The following MYL6B variants were observed in gnomAD, a reference collection of about 807,000 sequenced individuals.
The protein encoded by MYL6B is myosin alkali light chain 1 slow a.
In MYL6B, 19 loss-of-function variants were observed where a neutral mutation model predicts 24.5. The ratio of observed to expected loss-of-function variants is 0.78; its 90% CI spans 0.54 to 1.14. The LOEUF is 1.14. Ranked by LOEUF, MYL6B falls within the 50% of genes most tolerant of loss-of-function variation. The pLI is 0.00. For missense variants in MYL6B, 230 were observed against 263.8 expected, an observed-to-expected ratio of 0.87 and a Z score of 0.89; for synonymous variants, 90 against 100.7, an observed-to-expected ratio of 0.89 and a Z score of 0.64.
chr12:56,155,738 G>A (rs1871283374), intron 5 of MYL6B, 146 bp downstream of exon 5: 1 of 1,540,260 alleles, frequency 6.5e-7, no homozygotes. Context: ...CAGAGCTATG[G>A]GGGTAGAATC....
At chr12:56,155,487 G>C (rs1447202108) in exon 5 of MYL6B, 1 of 1,614,058 alleles carries the variant, frequency 6.2e-7, no homozygotes, top group South Asian at 1.1e-5. Flanking sequence ...CAAGAACCGA[G>C]GCCAAGGCAC....
rs1486496706 is a variant in MYL6B at position 56,157,560 on chromosome 12, A to AAAC, written c.598+16_598+17insACA. 6.2e-7 allele frequency: 1 copy of AAAC among 1,613,458 alleles called. No individual in the cohort carries two copies. Among genetic ancestry groups the AAAC allele is most frequent in the Non-Finnish European group, 8.5e-7 (1 of 1,179,854 alleles). On this transcript the variant is annotated intron_variant, in intron 6 of 6. Transcript: ENST00000553066. ...CAACTACGAGGGTGAGGGGACAAAA[A>AAAC]AGCGGGAGCGGGGCCGAGGGAGGAG...
intron 5 of MYL6B, 44 bp from the exon 6 acceptor site, chr12:56,157,424 G>T (rs1381007062): frequency 6.3e-7 from 1 of 1,582,224 alleles, no homozygotes; most frequent in Admixed American, 1.7e-5. Flanking sequence ...CTGGGTGAGT[G>T]AAGGAGGGAA....
exon 2 of MYL6B, chr12:56,153,984 T>C (rs1013005727): frequency 6.2e-7 from 1 of 1,613,952 alleles, no homozygotes; most frequent in African/African-American, 1.3e-5. Context: ...AACCTGCTGC[T>C]AAGCCAGCAG....
At chr12:56,155,873 G>GT (rs1407540814) in intron 5 of MYL6B, 3 of 1,311,892 alleles carry the variant, frequency 2.3e-6, no homozygotes, top group Non-Finnish European at 2.9e-6. Context: ...TACAAGTCTC[G>GT]TAACCTCCTG....
intron 1 of MYL6B, among the ~76,000 whole-genome samples, chr12:56,152,999 G>C (rs1047938788): frequency 6.6e-6 from 1 of 152,012 alleles, no homozygotes; most frequent in African/African-American, 2.4e-5. Flanking sequence ...CCTGGTTGTG[G>C]GGTGAATACT....
At chr12:56,153,627 C>A (rs898039834) in intron 1 of MYL6B, 26 of 342,118 alleles carry the variant, frequency 7.6e-5, no homozygotes, top group African/African-American at 5.6e-4. Flanking sequence ...TTAACTACCT[C>A]ATTCTGGGCA....
chr12:56,154,969 G>C, intron 3 of MYL6B, 86 bp from the exon 4 acceptor site: 1 of 1,560,588 alleles, frequency 6.4e-7, no homozygotes, highest in Non-Finnish European at 8.7e-7. Flanking sequence ...CCCTTGTTCT[G>C]TTCACATAGT....
chr12:56,156,708 C>T (rs545707091), intron 5 of MYL6B, among the ~76,000 whole-genome samples: 1 of 150,942 alleles, frequency 6.6e-6, no homozygotes, highest in African/African-American at 2.4e-5. Context: ...CCCAGGAGTT[C>T]GAGACCAGCC....
At chr12:56,154,115 T>C in intron 2 of MYL6B, 23 bp downstream of exon 2, 1 of 1,601,846 alleles carries the variant, frequency 6.2e-7, no homozygotes, top group East Asian at 2.2e-5. Context: ...AAAGTGAAGA[T>C]AGAATTGGAG....
At position 56,154,042 on chromosome 12, in the gene MYL6B, C is replaced by T. The variant is rs1207653679; in HGVS notation, c.124C>T (p.Gln42Ter). Residue 42 changes from glutamine to a stop codon, truncating the protein, a stop_gained, in exon 2 of 7, where the codon CAG becomes TAG. Transcript: ENST00000553066. LOFTEE classifies it high-confidence loss of function. ...GACCAAAGCTGAGCCAGCTGTCCCC[C>T]AGGCCCCTCAGAAAACCCAGGAGCC... 2 of 1,614,064 alleles carry T rather than the reference C, an allele frequency of 1.2e-6. No individual in the cohort carries two copies. The highest frequency in any genetic ancestry group is 1.7e-6 in the Non-Finnish European group (2 of 1,179,940).
At chr12:56,156,858 C>T (rs1871336061) in intron 5 of MYL6B, 1 of 152,024 alleles carries the variant, frequency 6.6e-6, no homozygotes, top group Admixed American at 6.6e-5. Flanking sequence ...CGAGACCAGC[C>T]TGAGCAACAT....
At chr12:56,155,298 A>G in intron 4 of MYL6B, 100 bp downstream of exon 4, 1 of 1,562,028 alleles carries the variant, frequency 6.4e-7, no homozygotes, top group Non-Finnish European at 8.7e-7. Context: ...AAAAACTGTC[A>G]AACACAGAAG....
At chr12:56,155,028 C>G in intron 3 of MYL6B, 27 bp from the exon 4 acceptor site, 1 of 1,597,680 alleles carries the variant, frequency 6.3e-7, no homozygotes, top group Non-Finnish European at 8.5e-7. Context: ...TAGTCAGTGT[C>G]TACACTGACC....
In MYL6B at chr12:56,155,258, C is replaced by T. The variant is rs1298261768; in HGVS notation, c.346+60C>T. 1.0e-5 allele frequency: 16 copies of T among 1,558,470 alleles called. No homozygotes were observed. The South Asian group carries it at 1.9e-4, about 19-fold the overall frequency. On this transcript the variant is annotated intron_variant, in intron 4 of 6. Coordinates refer to ENST00000553066, the Ensembl canonical transcript of MYL6B. ...GTTTTCAAAAGTTGGATGTTGGTAA[C>T]AAAAAGAATGAGGTGGATCTCAGGA...
chr12:56,154,172 T>C, intron 2 of MYL6B, 80 bp downstream of exon 2: 2 of 1,397,004 alleles, frequency 1.4e-6, no homozygotes, highest in Non-Finnish European at 1.9e-6. Flanking sequence ...AGGGGGTATC[T>C]AGAAGGTAGG....
intron 5 of MYL6B, 51 bp downstream of exon 5, chr12:56,155,643 G>A (rs1405305661): frequency 3.7e-6 from 6 of 1,610,600 alleles, no homozygotes; most frequent in East Asian, 2.2e-5. Flanking sequence ...GAGGGGGATG[G>A]GGTGGGCCAG....
intron 2 of MYL6B, 75 bp downstream of exon 2, chr12:56,154,167 G>T (rs1001371958): frequency 3.5e-6 from 5 of 1,423,188 alleles, no homozygotes; most frequent in East Asian, 2.4e-5. Context: ...GGATTAGGGG[G>T]TATCTAGAAG....
Position 56,157,866 on chromosome 12 carries a change from T to C in MYL6B, c.*140T>C. ...CACGGGCTCCAGCGCTTCGCAACTT[T>C]GGTTTTTTTCCACAGATCCAGTGGG... is the stretch of plus-strand genomic sequence containing the variant. On this transcript the variant is annotated 3_prime_UTR_variant, in exon 7 of 7. Transcript: ENST00000553066. The C allele has an allele frequency of 1.8e-6, 2 of 1,116,952 alleles. No individual in the cohort carries two copies. The highest frequency in any genetic ancestry group is 2.4e-5 in the Admixed American group (1 of 41,294). The allele number at this position is 1,116,952 out of a possible 1,614,324, so 69.2% of individuals were successfully genotyped here.
Sources: gnomAD v4.1 joint callset for allele counts (sites outside exome capture counted in the v4.1 genomes callset) on GRCh38, gnomAD v4.1.1 for gene constraint, MANE v1.5 for transcripts, NCBI Gene and HGNC (gene_info 2026-07-23, HGNC 2026-07-21) for gene names.